The following VAV3 variants were observed in gnomAD, a reference collection of about 807,000 sequenced individuals.
VAV3 encodes the protein vav guanine nucleotide exchange factor 3.
Under a neutral mutation model 131.2 loss-of-function variants are expected in VAV3, and 94 were observed. The observed-to-expected ratio is 0.72, with a 90% CI of 0.61 to 0.85. The LOEUF (loss-of-function observed/expected upper bound fraction) is 0.85. Among genes scored for constraint, VAV3 ranks in the 40% least tolerant of loss-of-function variants. The pLI is 0.00. For missense variants in VAV3, 939 were observed against 1,002.7 expected (o/e 0.94, Z 0.86); for synonymous variants, 349 against 342.0 (o/e 1.02, Z -0.22).
chr1:107,788,571 A>C (rs1337633371), intron 2 of VAV3, among the ~76,000 whole-genome samples: 1 of 152,194 alleles, frequency 6.6e-6, no homozygotes, highest in African/African-American at 2.4e-5. Context: ...TCTCTCACCA[A>C]GTGAAAGACA....
At chr1:107,648,959 G>A (rs973951818) in intron 19 of VAV3, among the ~76,000 whole-genome samples, 3 of 151,978 alleles carry the variant, frequency 2.0e-5, no homozygotes, top group Non-Finnish European at 2.9e-5. Flanking sequence ...TTTTCTTCAA[G>A]TGGTGAACAA....
intron 17 of VAV3, among the ~76,000 whole-genome samples, chr1:107,696,855 C>T (rs568595158): frequency 6.6e-6 from 1 of 152,232 alleles, no homozygotes; most frequent in South Asian, 2.1e-4. Context: ...TATCCCTTTT[C>T]CTGCCCTCCC....
At chr1:107,659,249 TTAAGA>T (rs1252169101) in intron 19 of VAV3, among the ~76,000 whole-genome samples, 2 of 152,182 alleles carry the variant, frequency 1.3e-5, no homozygotes, top group South Asian at 2.1e-4. Context: ...CATTTTTATG[TTAAGA>T]TATTTTTGAA....
chr1:107,577,743 G>A (rs749362653), intron 25 of VAV3, among the ~76,000 whole-genome samples: 20 of 152,242 alleles, frequency 1.3e-4, no homozygotes, highest in Admixed American at 5.2e-4. Flanking sequence ...AAACTGGATC[G>A]CTAAAGATTT....
chr1:107,616,148 G>A (rs1212527118), intron 21 of VAV3, among the ~76,000 whole-genome samples: 1 of 152,110 alleles, frequency 6.6e-6, no homozygotes, highest in African/African-American at 2.4e-5. Context: ...AGGTATGCAT[G>A]CTTATGTTCA....
At chr1:107,710,852 TATCAAA>T (rs1660742325) in intron 15 of VAV3, among the ~76,000 whole-genome samples, 1 of 152,150 alleles carries the variant, frequency 6.6e-6, no homozygotes, top group Non-Finnish European at 1.5e-5. Context: ...TCTCAACAGG[TATCAAA>T]AAAGACTTAA....
chr1:107,629,238 A>G (rs1241538431), intron 20 of VAV3, among the ~76,000 whole-genome samples: 1 of 152,208 alleles, frequency 6.6e-6, no homozygotes, highest in Admixed American at 6.5e-5. Flanking sequence ...TATGCATTCT[A>G]TTGTAATAGA....
chr1:107,737,029 A>G (rs985639220), intron 15 of VAV3, among the ~76,000 whole-genome samples: 10 of 152,168 alleles, frequency 6.6e-5, no homozygotes, highest in East Asian at 1.9e-4. Context: ...GGAACAGAAT[A>G]GAGGCCTCAG....
chr1:107,604,519 CAGGAG>C (rs1652118030), intron 22 of VAV3, among the ~76,000 whole-genome samples: 1 of 152,142 alleles, frequency 6.6e-6, no homozygotes, highest in African/African-American at 2.4e-5. Flanking sequence ...CTTTCAGATC[CAGGAG>C]TTTCTCAAGC....
At chr1:107,671,622 G>A (rs1228994225) in intron 19 of VAV3, among the ~76,000 whole-genome samples, 1 of 152,120 alleles carries the variant, frequency 6.6e-6, no homozygotes, top group Non-Finnish European at 1.5e-5. Context: ...TTAAGATGAG[G>A]AGGATTTGTA....
At chr1:107,860,051 T>A (rs1198117338) in intron 2 of VAV3, among the ~76,000 whole-genome samples, 1 of 152,224 alleles carries the variant, frequency 6.6e-6, no homozygotes, top group Non-Finnish European at 1.5e-5. Flanking sequence ...TATTTACTTT[T>A]AAATTGTTCA....
intron 20 of VAV3, among the ~76,000 whole-genome samples, chr1:107,624,420 A>C (rs1241270326): frequency 1.4e-5 from 2 of 144,864 alleles, no homozygotes; most frequent in Admixed American, 6.9e-5. Context: ...GTGTGAAAGA[A>C]ACAAGAGAAT....
rs756797270 is a variant in VAV3 at position 107,964,824 on chromosome 1, C to A, written c.46G>T (p.Val16Leu). 6.2e-7 allele frequency: 1 copy of A among 1,613,780 alleles called. No homozygotes were observed. The highest frequency in any genetic ancestry group is 1.1e-5 in the South Asian group (1 of 91,044). The stretch of plus-strand genomic sequence containing the variant: ...GTCACCCGGTGGTTGGTGGGCAGCA[C>A]CTTGCAATGGATGAGCCACTGCGCG... ...QCAQWLIHCK[V>L]LPTNHRVTWD... Residue 16 changes from valine to leucine, a missense_variant, in exon 1 of 27, where the codon GTG (valine) becomes TTG (leucine). Coordinates refer to ENST00000370056, the MANE Select transcript of VAV3 (RefSeq NM_006113.5).
chr1:107,862,087 C>T (rs1367914254), intron 2 of VAV3, among the ~76,000 whole-genome samples: 1 of 151,526 alleles, frequency 6.6e-6, no homozygotes, highest in African/African-American at 2.4e-5. Flanking sequence ...TTGAGGCAAA[C>T]CAGAGAAAGG....
At chr1:107,766,653 G>A in intron 7 of VAV3, 103 bp from the exon 8 acceptor site, 2 of 787,542 alleles carry the variant, frequency 2.5e-6, no homozygotes, top group Non-Finnish European at 4.3e-6. Context: ...CTCAGGATAT[G>A]CTGAATGCTC....
intron 20 of VAV3, among the ~76,000 whole-genome samples, chr1:107,623,854 C>A (rs540433787): frequency 1.3e-5 from 2 of 152,262 alleles, no homozygotes; most frequent in African/African-American, 4.8e-5. Flanking sequence ...AAAGACAGTA[C>A]AAAATGTCCC....
chr1:107,689,709 A>T (rs1463324908), intron 17 of VAV3, among the ~76,000 whole-genome samples: 1 of 152,130 alleles, frequency 6.6e-6, no homozygotes, highest in African/African-American at 2.4e-5. Flanking sequence ...ACCTTTACAA[A>T]GGAGTATTCC....
rs920168992 is a variant in VAV3 at position 107,736,274 on chromosome 1, A to G, written c.1502+12694T>C. 3.3e-5 allele frequency among the ~76,000 whole-genome samples: 5 copies of G among 152,206 alleles called. 1 individual carries two copies. The highest frequency in any genetic ancestry group is 1.2e-4 in the African/African-American group (5 of 41,440). On this transcript the variant is annotated intron_variant, in intron 15 of 26. Coordinates refer to ENST00000370056, the MANE Select transcript of VAV3 (RefSeq NM_006113.5). The stretch of plus-strand genomic sequence containing the variant: ...TCATACTGAATGGGAAAAAACTGGA[A>G]GCATTCCCTTTGAAAACTGGCACAA...
At chr1:107,948,130 T>C (rs993584460) in intron 1 of VAV3, among the ~76,000 whole-genome samples, 10 of 152,198 alleles carry the variant, frequency 6.6e-5, no homozygotes, top group African/African-American at 2.4e-4. Context: ...TTTTCATTAA[T>C]CATTTTTCAA....
Sources: gnomAD v4.1 joint callset for allele counts (sites outside exome capture counted in the v4.1 genomes callset) on GRCh38, gnomAD v4.1.1 for gene constraint, MANE v1.5 for transcripts, NCBI Gene and HGNC (gene_info 2026-07-23, HGNC 2026-07-21) for gene names.